NCKAP5: variants seen among roughly 807,000 people sequenced by gnomAD.
NCKAP5 encodes nck-associated protein 5.
NCKAP5 carries 92 observed loss-of-function variants against 167.0 expected under a neutral mutation model. The observed-to-expected ratio is 0.55, with a 90% CI of 0.47 to 0.66. The LOEUF is 0.66. NCKAP5 is among the 30% of genes least tolerant of loss of function. The pLI is 0.00. For missense variants in NCKAP5, 2,378 were observed against 2,315.0 expected, an observed-to-expected ratio of 1.03 and a Z score of -0.56; for synonymous variants, 891 against 877.4, an observed-to-expected ratio of 1.02 and a Z score of -0.27.
chr2:132,801,844 C>T (rs990539285), intron 11 of NCKAP5, among the ~76,000 whole-genome samples: 2 of 152,158 alleles, frequency 1.3e-5, no homozygotes, highest in East Asian at 3.9e-4. Flanking sequence ...CTTTATCTGG[C>T]AGGATGAAGG....
chr2:132,783,504 A>C lies in NCKAP5; in HGVS notation c.3307T>G (p.Ser1103Ala), dbSNP rs1683246279. ...GGTGACTCATTTACCCCTAAGAAGG[A>C]AGGCTTGGGGGGTGTGGAGGCGCTA... ...NDSASTPPKP[S>A]FLGVNESPSS... Residue 1103 changes from serine (S) to alanine (A), a missense_variant, in exon 14 of 20, where the codon TCC (serine) becomes GCC (alanine). By Grantham distance (99) the Ser-to-Ala change is moderately conservative (BLOSUM62 1). Coordinates refer to ENST00000409261, the MANE Select transcript of NCKAP5 (RefSeq NM_207363.3). 6.2e-7 allele frequency: 1 copy of C among 1,609,364 alleles called. No individual in the cohort carries two copies. Among genetic ancestry groups the C allele is most frequent in the African/African-American group, 1.3e-5 (1 of 74,624 alleles).
intron 7 of NCKAP5, among the ~76,000 whole-genome samples, chr2:132,974,147 T>C (rs373475362): frequency 4.6e-4 from 70 of 152,296 alleles, no homozygotes; most frequent in African/African-American, 1.4e-3. Context: ...AAGTACTTAG[T>C]TTTTTAACTT....
chr2:133,356,688 C>A (rs1373694500), intron 3 of NCKAP5, among the ~76,000 whole-genome samples: 2 of 152,040 alleles, frequency 1.3e-5, no homozygotes, highest in Non-Finnish European at 2.9e-5. Flanking sequence ...TTGAGAAAGC[C>A]CAATACCCAA....
chr2:132,786,403 A>G (rs770408908), intron 13 of NCKAP5, among the ~76,000 whole-genome samples: 1 of 152,230 alleles, frequency 6.6e-6, no homozygotes. Context: ...GACAATAGAT[A>G]TCTATGAAAA....
intron 5 of NCKAP5, among the ~76,000 whole-genome samples, chr2:133,131,845 C>A (rs946296957): frequency 1.3e-5 from 2 of 152,012 alleles, no homozygotes; most frequent in African/African-American, 2.4e-5. Flanking sequence ...AAAATAAACT[C>A]TTTATGGTTA....
chr2:133,286,377 T>C (rs1373108900), intron 4 of NCKAP5, among the ~76,000 whole-genome samples: 1 of 152,072 alleles, frequency 6.6e-6, no homozygotes, highest in African/African-American at 2.4e-5. Flanking sequence ...AATTAAAAAG[T>C]GGGTGGAGGA....
At chr2:133,123,568 A>T in intron 6 of NCKAP5, 1 of 258,478 alleles carries the variant, frequency 3.9e-6, no homozygotes. Context: ...GAAAAGTCTC[A>T]GGCAGAAATA....
chr2:133,524,183 C>T (rs1684688825), intron 2 of NCKAP5, among the ~76,000 whole-genome samples: 1 of 152,142 alleles, frequency 6.6e-6, no homozygotes, highest in Non-Finnish European at 1.5e-5. Context: ...GTCAATGGAA[C>T]ACCAGTTTAG....
intron 11 of NCKAP5, among the ~76,000 whole-genome samples, chr2:132,846,874 C>T (rs1208237389): frequency 6.6e-6 from 1 of 152,160 alleles, no homozygotes; most frequent in East Asian, 1.9e-4. Context: ...TTAACTAAGG[C>T]TCTTTTATAA....
intron 3 of NCKAP5, among the ~76,000 whole-genome samples, chr2:133,311,391 C>T (rs896899341): frequency 2.0e-5 from 3 of 152,244 alleles, no homozygotes; most frequent in African/African-American, 7.2e-5. Flanking sequence ...ATGCTCTCTC[C>T]TGGCACACTG....
chr2:133,365,303 A>G (rs976021455), intron 3 of NCKAP5, among the ~76,000 whole-genome samples: 1 of 152,174 alleles, frequency 6.6e-6, no homozygotes, highest in African/African-American at 2.4e-5. Context: ...TTGTTTCCCT[A>G]CTAGCTGGCG....
intron 16 of NCKAP5, among the ~76,000 whole-genome samples, chr2:132,746,282 T>A (rs932251638): frequency 6.6e-6 from 1 of 152,028 alleles, no homozygotes; most frequent in African/African-American, 2.4e-5. Context: ...CTGACAAAGA[T>A]GACAATGTAA....
intron 3 of NCKAP5, among the ~76,000 whole-genome samples, chr2:133,316,294 G>C (rs192294463): frequency 2.0e-5 from 3 of 152,286 alleles, no homozygotes; most frequent in Admixed American, 2.0e-4. Flanking sequence ...ACATTCAAAT[G>C]AGATTGGGGA....
At chr2:133,074,156 A>G (rs1006417557) in intron 6 of NCKAP5, among the ~76,000 whole-genome samples, 5 of 152,232 alleles carry the variant, frequency 3.3e-5, no homozygotes, top group Non-Finnish European at 5.9e-5. Context: ...TCCTCCCAAA[A>G]AAATATTTGT....
chr2:132,942,310 T>TA (rs911850008), intron 8 of NCKAP5, among the ~76,000 whole-genome samples: 1 of 152,142 alleles, frequency 6.6e-6, no homozygotes, highest in Non-Finnish European at 1.5e-5. Flanking sequence ...GAAAACTTGT[T>TA]AAAAAAATTT....
intron 3 of NCKAP5, among the ~76,000 whole-genome samples, chr2:133,417,721 C>G (rs1176522741): frequency 6.6e-6 from 1 of 151,754 alleles, no homozygotes; most frequent in Non-Finnish European, 1.5e-5. Flanking sequence ...GACCTGGGAG[C>G]AAAGGCTAAA....
intron 4 of NCKAP5, among the ~76,000 whole-genome samples, chr2:133,243,412 C>T (rs1191102255): frequency 6.6e-6 from 1 of 152,192 alleles, no homozygotes; most frequent in Non-Finnish European, 1.5e-5. Flanking sequence ...CTGAAAAATA[C>T]TTGCTTTGGT....
chr2:133,579,540 A>C, the NCKAP5 span, among the ~76,000 whole-genome samples: 2 of 152,178 alleles, frequency 1.3e-5, no homozygotes, highest in Non-Finnish European at 2.9e-5. Flanking sequence ...GCAGGAGGCC[A>C]GTTGAGGGTT....
chr2:133,225,592 C>T (rs1213699475), intron 4 of NCKAP5, among the ~76,000 whole-genome samples: 1 of 151,990 alleles, frequency 6.6e-6, no homozygotes, highest in Non-Finnish European at 1.5e-5. Context: ...AGGGTGAGTT[C>T]AGCTCAACAA....
Sources: allele counts gnomAD v4.1 joint callset (sites outside exome capture counted in the v4.1 genomes callset), GRCh38; gene constraint gnomAD v4.1.1; transcripts MANE v1.5; gene names NCBI Gene and HGNC (gene_info 2026-07-23, HGNC 2026-07-21).